SHANK2: variants seen among roughly 807,000 people sequenced by gnomAD.
The protein encoded by SHANK2 is SH3 and multiple ankyrin repeat domains 2.
In SHANK2, 43 loss-of-function variants were observed where a neutral mutation model predicts 133.7. That is an observed-to-expected ratio of 0.32 (90% CI 0.25 to 0.41). SHANK2 has a LOEUF of 0.41. Ranked by LOEUF, SHANK2 falls within the 10% of genes least tolerant of loss-of-function variation. The pLI is 1.00. For missense variants in SHANK2, 1,994 were observed against 2,235.8 expected (o/e 0.89, Z 2.18); for synonymous variants, 1,017 against 952.8 (o/e 1.07, Z -1.24).
chr11:70,568,479 C>T (rs1202572717), intron 17 of SHANK2, among the ~76,000 whole-genome samples: 2 of 152,098 alleles, frequency 1.3e-5, no homozygotes, highest in Non-Finnish European at 2.9e-5. Flanking sequence ...TTCTTGGAGG[C>T]GGCTGCAATC....
chr11:70,886,403 C>T (rs1555073513), intron 11 of SHANK2, among the ~76,000 whole-genome samples: 4 of 152,100 alleles, frequency 2.6e-5, no homozygotes, highest in African/African-American at 7.2e-5. Flanking sequence ...GACTCAATAA[C>T]GGGGACCCCG....
At chr11:70,940,838 G>A (rs1950637677) in intron 10 of SHANK2, among the ~76,000 whole-genome samples, 1 of 152,128 alleles carries the variant, frequency 6.6e-6, no homozygotes, top group African/African-American at 2.4e-5. Context: ...AAAAATGGCT[G>A]AAAAAGCACC....
intron 17 of SHANK2, among the ~76,000 whole-genome samples, chr11:70,512,186 C>G (rs1414128788): frequency 6.6e-6 from 1 of 152,204 alleles, no homozygotes; most frequent in African/African-American, 2.4e-5. Context: ...GGATGTTTAG[C>G]AGTGTCCCTG....
chr11:70,875,597 ACGCCTGCAAT>A (rs1555071054), intron 11 of SHANK2, among the ~76,000 whole-genome samples: 5 of 152,198 alleles, frequency 3.3e-5, no homozygotes, highest in African/African-American at 1.2e-4. Flanking sequence ...ATGGTGACTC[ACGCCTGCAAT>A]CCCAACACTT....
Position 70,473,707 on chromosome 11 carries a change from G to C in SHANK2, c.4980-268C>G. 1.8e-6 allele frequency: 1 copy of C among 548,660 alleles called. No homozygotes were observed. The highest frequency in any genetic ancestry group is 1.8e-5 in the South Asian group (1 of 54,304). 34.0% of individuals were successfully genotyped at this position (548,660 alleles called of 1,614,324 possible). A position where few individuals can be genotyped will look rare whatever the true frequency, so the allele number is the denominator to read the frequency against. ...GGGGCTGGGGGACCTGCCTGTGCTG[G>C]GGGGAGCACACCACGTCAGCCCACT... On this transcript the variant is annotated intron_variant, in intron 25 of 25. Coordinates refer to ENST00000601538, the MANE Select transcript of SHANK2 (RefSeq NM_012309.5). The surrounding 1 kb of genome is among the most constrained non-coding windows in gnomAD (Gnocchi z 5.9).
chr11:70,883,492 A>C (rs1016493736), intron 11 of SHANK2, among the ~76,000 whole-genome samples: 1 of 152,148 alleles, frequency 6.6e-6, no homozygotes, highest in Non-Finnish European at 1.5e-5. Flanking sequence ...CAGGGCTTCC[A>C]TGTGGAGAAA....
chr11:70,795,263 TGAATA>T (rs1455420120), intron 14 of SHANK2, among the ~76,000 whole-genome samples: 71 of 152,096 alleles, frequency 4.7e-4, no homozygotes, highest in Non-Finnish European at 7.4e-5. Context: ...CTAGAACCTG[TGAATA>T]TGCTCCCTTA....
At chr11:70,795,397 CTTT>C in intron 14 of SHANK2, among the ~76,000 whole-genome samples, 1 of 132,634 alleles carries the variant, frequency 7.5e-6, no homozygotes, top group Admixed American at 9.5e-5. Context: ...TTTTTCTTTT[CTTT>C]CTTTTTCTTT....
intron 14 of SHANK2, among the ~76,000 whole-genome samples, chr11:70,755,515 C>T (rs1330477476): frequency 6.6e-6 from 1 of 152,228 alleles, no homozygotes; most frequent in African/African-American, 2.4e-5. Flanking sequence ...TGTGGGCACC[C>T]GGGCAGAGCC....
intron 3 of SHANK2, among the ~76,000 whole-genome samples, chr11:71,145,640 A>C (rs1189347312): frequency 2.0e-5 from 3 of 152,210 alleles, no homozygotes; most frequent in Non-Finnish European, 4.4e-5. Context: ...GAGAGGTGCT[A>C]ACCCCAGGGC....
intron 15 of SHANK2, among the ~76,000 whole-genome samples, chr11:70,685,999 C>A (rs1945139683): frequency 6.6e-6 from 1 of 151,706 alleles, no homozygotes; most frequent in South Asian, 2.1e-4. Context: ...ATCTGTCTAC[C>A]CATTCATTCA....
At chr11:70,645,663 C>T (rs1342858769) in intron 17 of SHANK2, among the ~76,000 whole-genome samples, 1 of 152,186 alleles carries the variant, frequency 6.6e-6, no homozygotes, top group African/African-American at 2.4e-5. Context: ...CGCCACCTGC[C>T]ACAGGCCCTC....
chr11:70,615,605 G>A (rs1357220425), intron 17 of SHANK2, among the ~76,000 whole-genome samples: 1 of 152,188 alleles, frequency 6.6e-6, no homozygotes, highest in Non-Finnish European at 1.5e-5. Context: ...TGGCTCGGCC[G>A]AATCCCAGGC....
intron 14 of SHANK2, among the ~76,000 whole-genome samples, chr11:70,797,714 G>A (rs782468408): frequency 1.8e-4 from 27 of 152,288 alleles, no homozygotes; most frequent in Non-Finnish European, 3.4e-4. Flanking sequence ...CGCAGCGTCC[G>A]TGGCCACTTG....
chr11:70,774,440 C>T (rs1947320075), intron 14 of SHANK2, among the ~76,000 whole-genome samples: 1 of 152,108 alleles, frequency 6.6e-6, no homozygotes, highest in Admixed American at 6.5e-5. Context: ...CTGCCTCCAC[C>T]TCCTGAGTAG....
chr11:70,943,719 T>C (rs1334258807), intron 10 of SHANK2, among the ~76,000 whole-genome samples: 11 of 152,244 alleles, frequency 7.2e-5, no homozygotes, highest in Admixed American at 5.2e-4. Flanking sequence ...ATTAAAGATT[T>C]TCTCTAAACA....
intron 15 of SHANK2, among the ~76,000 whole-genome samples, chr11:70,680,053 T>C (rs115461356): frequency 0.012 from 1,850 of 152,174 alleles, 25 homozygotes; most frequent in African/African-American, 0.034. Context: ...GAGGCGGCAT[T>C]TCCTGTCCTT....
chr11:70,564,771 G>C (rs1476191372), intron 17 of SHANK2, among the ~76,000 whole-genome samples: 3 of 152,006 alleles, frequency 2.0e-5, no homozygotes, highest in Admixed American at 2.0e-4. Context: ...ATCTACCCTC[G>C]ATCTCATCCT....
chr11:70,752,247 C>T (rs1232807659), intron 14 of SHANK2, among the ~76,000 whole-genome samples: 1 of 152,024 alleles, frequency 6.6e-6, no homozygotes, highest in Non-Finnish European at 1.5e-5. Flanking sequence ...CAATGACATG[C>T]AGTCTATAAG....
Sources: gnomAD v4.1 joint callset for allele counts (sites outside exome capture counted in the v4.1 genomes callset) on GRCh38, gnomAD v4.1.1 for gene constraint, Gnocchi (gnomAD v3.1) non-coding constraint, MANE v1.5 for transcripts, NCBI Gene and HGNC (gene_info 2026-07-23, HGNC 2026-07-21) for gene names.